PDE7A: variants seen among roughly 807,000 people sequenced by gnomAD.
PDE7A encodes phosphodiesterase 7A, also known as high affinity 3',5'-cyclic-AMP phosphodiesterase 7A.
A neutral mutation model predicts 64.3 loss-of-function variants in PDE7A; 39 were observed. The ratio of observed to expected loss-of-function variants is 0.61; its 90% CI spans 0.47 to 0.79. The LOEUF (loss-of-function observed/expected upper bound fraction) is 0.79. Among genes scored for constraint, PDE7A ranks in the 30% least tolerant of loss-of-function variants. The pLI, the probability that PDE7A is intolerant of heterozygous loss-of-function variation, is 0.00. For synonymous variants in PDE7A, 203 were observed against 206.8 expected, an observed-to-expected ratio of 0.98 and a Z score of 0.16; for missense variants, 470 against 582.8, an observed-to-expected ratio of 0.81 and a Z score of 1.99.
chr8:65,797,741 T>C (rs1296076003), intron 1 of PDE7A, among the ~76,000 whole-genome samples: 1 of 152,078 alleles, frequency 6.6e-6, no homozygotes, highest in African/African-American at 2.4e-5. Flanking sequence ...CCAAAGTAAT[T>C]CAGGGGAAAG....
At chr8:65,743,092 A>G (rs1005116685) in intron 5 of PDE7A, among the ~76,000 whole-genome samples, 2 of 152,202 alleles carry the variant, frequency 1.3e-5, no homozygotes, top group Non-Finnish European at 2.9e-5. Flanking sequence ...ATGAGTGACA[A>G]GTGTCCCAGT....
intron 1 of PDE7A, 113 bp downstream of exon 1, chr8:65,841,258 C>A: frequency 8.2e-7 from 1 of 1,214,596 alleles, no homozygotes; most frequent in Non-Finnish European, 1.1e-6. Flanking sequence ...GCCTAGAAAT[C>A]CCCAGACAAT....
chr8:65,799,350 A>C (rs1320038620), intron 1 of PDE7A, among the ~76,000 whole-genome samples: 1 of 152,212 alleles, frequency 6.6e-6, no homozygotes, highest in East Asian at 1.9e-4. Context: ...TTGAGACCAC[A>C]GGAGTAATCA....
rs544411546 is a variant in PDE7A at position 65,818,802 on chromosome 8, G to C, written c.138+22569C>G. On this transcript the variant is annotated intron_variant, in intron 1 of 12. Coordinates refer to ENST00000401827, the MANE Select transcript of PDE7A (RefSeq NM_001242318.3). ...GCCCCAAACACTACTGAATCTTCAG[G>C]CTATTTGAGCTGAGCCCCTGGTCTT... 1.9e-4 allele frequency among the ~76,000 whole-genome samples: 29 copies of C among 152,216 alleles called. No individual in the cohort carries two copies. The South Asian group carries it at 5.4e-3, about 28-fold the overall frequency.
Position 65,715,551 on chromosome 8 carries a change from C to CA in PDE7A, c.*3738dup, listed in dbSNP as rs1188858302. On this transcript the variant is annotated 3_prime_UTR_variant, in exon 13 of 13. Coordinates refer to ENST00000401827, the MANE Select transcript of PDE7A (RefSeq NM_001242318.3). ...CGCCACCACGCCCAGCTAATTTTTG[C>CA]ATTTTTAGTAGAGATGGGGTTTCAC... is the stretch of plus-strand genomic sequence containing the variant. 1.3e-5 allele frequency among the ~76,000 whole-genome samples: 2 copies of CA among 151,238 alleles called. No homozygotes were observed. The highest frequency in any genetic ancestry group is 4.0e-4 in the East Asian group (2 of 4,996).
At chr8:65,780,888 C>A (rs1015391448) in intron 2 of PDE7A, 1 of 152,254 alleles carries the variant, frequency 6.6e-6, no homozygotes, top group African/African-American at 2.4e-5. Flanking sequence ...AGGCTCACTT[C>A]ATCGACTATA....
At chr8:65,730,171 CTTTTTTTT>C (rs1179431555) in intron 7 of PDE7A, among the ~76,000 whole-genome samples, 5,046 of 86,422 alleles carry the variant, frequency 0.058, 156 homozygotes, top group Non-Finnish European at 0.075. Flanking sequence ...TTGCGCACTT[CTTTTTTTT>C]TTTTTTTTTT....
chr8:65,725,770 TTAAATCTGAGAAC>T (rs1806582147), intron 9 of PDE7A, among the ~76,000 whole-genome samples: 1 of 152,174 alleles, frequency 6.6e-6, no homozygotes, highest in African/African-American at 2.4e-5. Flanking sequence ...TCCATTTTTA[TTAAATCTGAGAAC>T]TCAACAGGGT....
At chr8:65,840,689 A>G (rs1477016518) in intron 1 of PDE7A, among the ~76,000 whole-genome samples, 4 of 151,802 alleles carry the variant, frequency 2.6e-5, no homozygotes, top group African/African-American at 9.7e-5. Context: ...AATGCTCAGG[A>G]GCAACTGGTA....
At chr8:65,762,023 G>T (rs556327884) in intron 3 of PDE7A, among the ~76,000 whole-genome samples, 1 of 152,172 alleles carries the variant, frequency 6.6e-6, no homozygotes, top group Admixed American at 6.5e-5. Flanking sequence ...AACAGTCCAC[G>T]AGAGGGAGCC....
intron 3 of PDE7A, among the ~76,000 whole-genome samples, chr8:65,775,254 T>C (rs1249034278): frequency 1.3e-5 from 2 of 152,230 alleles, no homozygotes; most frequent in Non-Finnish European, 2.9e-5. Flanking sequence ...TCTACTTTTA[T>C]TTTAGTTTAC....
At chr8:65,752,370 A>G (rs1367760966) in intron 3 of PDE7A, among the ~76,000 whole-genome samples, 1 of 152,188 alleles carries the variant, frequency 6.6e-6, no homozygotes, top group Non-Finnish European at 1.5e-5. Flanking sequence ...ATTATCTCAC[A>G]GCAATATATT....
At chr8:65,768,258 C>G (rs551005951) in intron 3 of PDE7A, among the ~76,000 whole-genome samples, 1 of 152,294 alleles carries the variant, frequency 6.6e-6, no homozygotes, top group African/African-American at 2.4e-5. Flanking sequence ...AATCTCTTAA[C>G]ACAAGCCACT....
chr8:65,834,774 T>C (rs138131783), intron 1 of PDE7A, among the ~76,000 whole-genome samples: 256 of 152,256 alleles, frequency 1.7e-3, no homozygotes, highest in African/African-American at 5.9e-3. Flanking sequence ...TGTTCCAAAA[T>C]TGCTACTCAA....
At chr8:65,787,782 G>GC (rs1445746140) in intron 1 of PDE7A, among the ~76,000 whole-genome samples, 1 of 120,566 alleles carries the variant, frequency 8.3e-6, no homozygotes, top group Non-Finnish European at 1.8e-5. Context: ...ATCTCTACAG[G>GC]GGGGGGAAAA....
In PDE7A at chr8:65,805,615, G is replaced by A. The variant is rs142256601; in HGVS notation, c.139-22772C>T. On this transcript the variant is annotated intron_variant, in intron 1 of 12. Transcript: ENST00000401827. Reference sequence around the variant, plus strand: ...GGGTCAAAACAACCTTCATGTTATCGTTTTTCAGTTGTCCCACACATTCCT... The same window carrying A: ...GGGTCAAAACAACCTTCATGTTATCATTTTTCAGTTGTCCCACACATTCCT... 5.9e-3 allele frequency among the ~76,000 whole-genome samples: 896 copies of A among 152,154 alleles called. 9 individuals carry two copies. The highest frequency in any genetic ancestry group is 0.02 in the African/African-American group (846 of 41,508).
rs762675151 is a variant in PDE7A at position 65,788,894 on chromosome 8, C to A, written c.139-6051G>T. On this transcript the variant is annotated intron_variant, in intron 1 of 12. Transcript: ENST00000401827. ...AAAGATGGCCTACCTTAGAGGTGAT[C>A]CACTTGATAAGAACCAAGGCCAGAC... 2.5e-6 allele frequency: 4 copies of A among 1,608,778 alleles called. No individual in the cohort carries two copies. In the Admixed American group the frequency reaches 6.7e-5, roughly 27 times the overall value.
chr8:65,790,601 G>T lies in PDE7A; in HGVS notation c.139-7758C>A, dbSNP rs148312003. ...TTATTTAAAAGAGAAGTCAGTTCTA[G>T]GCTTGTCAAAATGAAGTGCAAATTA... On this transcript the variant is annotated intron_variant, in intron 1 of 12. Coordinates refer to ENST00000401827, the MANE Select transcript of PDE7A (RefSeq NM_001242318.3). Among the ~76,000 whole-genome samples, 386 of 152,226 alleles carry T rather than the reference G, an allele frequency of 2.5e-3. 1 individual carries two copies. The highest frequency in any genetic ancestry group is 8.7e-3 in the African/African-American group (361 of 41,528).
chr8:65,831,729 C>T (rs1014735370), intron 1 of PDE7A, among the ~76,000 whole-genome samples: 8 of 151,932 alleles, frequency 5.3e-5, no homozygotes, highest in Non-Finnish European at 1.0e-4. Context: ...ATCTAAATAC[C>T]TTTCAAGCTG....
Sources: allele counts gnomAD v4.1 joint callset (sites outside exome capture counted in the v4.1 genomes callset), GRCh38; gene constraint gnomAD v4.1.1; transcripts MANE v1.5; gene names NCBI Gene and HGNC (gene_info 2026-07-23, HGNC 2026-07-21).